Variants in LHFPL3 observed in about 807,000 individuals in gnomAD.
LHFPL3 encodes LHFPL tetraspan subfamily member 3 protein.
Under a neutral mutation model 19.3 loss-of-function variants are expected in LHFPL3, and 5 were observed. The observed-to-expected ratio is 0.26, with a 90% CI of 0.14 to 0.54. The LOEUF (loss-of-function observed/expected upper bound fraction) is 0.54, where lower values mean the gene tolerates loss of function less well. Among genes scored for constraint, LHFPL3 ranks in the 20% least tolerant of loss-of-function variants. The pLI is 0.94. For missense variants in LHFPL3, 249 were observed against 307.4 expected (o/e 0.81, Z 1.42); for synonymous variants, 133 against 126.2 (o/e 1.05, Z -0.36).
intron 2 of LHFPL3, among the ~76,000 whole-genome samples, chr7:104,756,270 A>G (rs1275473520): frequency 2.0e-5 from 3 of 152,206 alleles, no homozygotes; most frequent in Non-Finnish European, 4.4e-5. Flanking sequence ...CACACCTTGC[A>G]CTGAACCTTT....
At chr7:104,572,155 A>G (rs947781318) in intron 1 of LHFPL3, among the ~76,000 whole-genome samples, 4 of 152,226 alleles carry the variant, frequency 2.6e-5, no homozygotes, top group Admixed American at 2.0e-4. Context: ...AGTATTTTTC[A>G]CACAGATTTG....
chr7:104,620,269 C>G (rs923208593), intron 1 of LHFPL3, among the ~76,000 whole-genome samples: 1 of 152,172 alleles, frequency 6.6e-6, no homozygotes, highest in Non-Finnish European at 1.5e-5. Context: ...TCAGAGGGCA[C>G]TGAGAGGTCT....
At chr7:104,339,489 T>C (rs1789904897) in intron 1 of LHFPL3, among the ~76,000 whole-genome samples, 1 of 152,158 alleles carries the variant, frequency 6.6e-6, no homozygotes, top group Non-Finnish European at 1.5e-5. Flanking sequence ...TTCCACTAAG[T>C]CTGAGAGAGA....
intron 1 of LHFPL3, among the ~76,000 whole-genome samples, chr7:104,362,038 C>T (rs919004302): frequency 3.3e-5 from 5 of 152,212 alleles, no homozygotes; most frequent in African/African-American, 7.2e-5. Flanking sequence ...AGAAATGCTC[C>T]TGGACTTTTC....
At chr7:104,625,734 G>A (rs1390806433) in intron 1 of LHFPL3, among the ~76,000 whole-genome samples, 1 of 152,126 alleles carries the variant, frequency 6.6e-6, no homozygotes, top group Non-Finnish European at 1.5e-5. Context: ...TCACTAAGAG[G>A]TCAATGGCCA....
chr7:104,680,498 A>G (rs1184056744), intron 1 of LHFPL3, among the ~76,000 whole-genome samples: 1 of 151,886 alleles, frequency 6.6e-6, no homozygotes, highest in Non-Finnish European at 1.5e-5. Flanking sequence ...GGTAACTTTT[A>G]CCGCCCAAAA....
intron 1 of LHFPL3, among the ~76,000 whole-genome samples, chr7:104,714,890 A>G (rs981591346): frequency 2.6e-5 from 4 of 152,178 alleles, no homozygotes; most frequent in Non-Finnish European, 4.4e-5. Flanking sequence ...GTGTGTGCGC[A>G]TGCACACATG....
intron 2 of LHFPL3, among the ~76,000 whole-genome samples, chr7:104,821,248 C>T (rs116531418): frequency 6.6e-6 from 1 of 152,338 alleles, no homozygotes; most frequent in African/African-American, 2.4e-5. Flanking sequence ...TGGGCTGCCT[C>T]TGCATCCTCC....
chr7:104,384,655 C>T (rs1226176283), intron 1 of LHFPL3, among the ~76,000 whole-genome samples: 1 of 151,772 alleles, frequency 6.6e-6, no homozygotes, highest in East Asian at 1.9e-4. Flanking sequence ...GGCATGGTGG[C>T]ACATGCCTGT....
chr7:104,794,826 G>T (rs2116456588), intron 2 of LHFPL3, among the ~76,000 whole-genome samples: 1 of 152,290 alleles, frequency 6.6e-6, no homozygotes, highest in Admixed American at 6.5e-5. Flanking sequence ...GGTCTGGGTT[G>T]GAGGGAATTT....
Position 104,473,906 on chromosome 7 carries a change from A to G in LHFPL3, c.445+144682A>G, listed in dbSNP as rs117170145. 8.0e-3 allele frequency among the ~76,000 whole-genome samples: 1,221 copies of G among 152,344 alleles called. 41 individuals carry two copies. The highest frequency in any genetic ancestry group is 0.055 in the East Asian group (287 of 5,186). Reference sequence around the variant, plus strand: ...AAAAGTAAAACATTTACTTGGGGATAAATATTTATAAAGCTCTATGACACA... The same window carrying G: ...AAAAGTAAAACATTTACTTGGGGATGAATATTTATAAAGCTCTATGACACA... On this transcript the variant is annotated intron_variant, in intron 1 of 2. Transcript: ENST00000424859.
intron 1 of LHFPL3, among the ~76,000 whole-genome samples, chr7:104,386,819 G>A (rs929749444): frequency 6.6e-6 from 1 of 151,892 alleles, no homozygotes; most frequent in Non-Finnish European, 1.5e-5. Context: ...TTTCAAGAAA[G>A]CCACTAAATA....
At chr7:104,330,981 G>GT (rs1452824410) in intron 1 of LHFPL3, among the ~76,000 whole-genome samples, 1 of 152,004 alleles carries the variant, frequency 6.6e-6, no homozygotes, top group Admixed American at 6.5e-5. Flanking sequence ...AAATTACATC[G>GT]TTTTTAAAAG....
intron 2 of LHFPL3, among the ~76,000 whole-genome samples, chr7:104,853,886 A>G (rs1451534390): frequency 6.6e-6 from 1 of 152,170 alleles, no homozygotes; most frequent in African/African-American, 2.4e-5. Flanking sequence ...ACAGTTCCCA[A>G]TTTCTGACTG....
chr7:104,782,706 G>A (rs760454329), intron 2 of LHFPL3, among the ~76,000 whole-genome samples: 1 of 152,172 alleles, frequency 6.6e-6, no homozygotes, highest in Admixed American at 6.6e-5. Flanking sequence ...CCTTTAGGGG[G>A]AAGCCAAAAC....
intron 1 of LHFPL3, among the ~76,000 whole-genome samples, chr7:104,437,661 T>C (rs1792137064): frequency 6.6e-6 from 1 of 152,194 alleles, no homozygotes; most frequent in Non-Finnish European, 1.5e-5. Flanking sequence ...CTCAGGAAAC[T>C]GTTTTTGCTT....
At chr7:104,587,782 T>C (rs868511397) in intron 1 of LHFPL3, among the ~76,000 whole-genome samples, 4 of 152,034 alleles carry the variant, frequency 2.6e-5, no homozygotes, top group South Asian at 2.1e-4. Flanking sequence ...CCAGCACCTG[T>C]TGTTTCCTGA....
intron 1 of LHFPL3, among the ~76,000 whole-genome samples, chr7:104,607,563 G>A (rs1369812748): frequency 6.6e-6 from 1 of 152,136 alleles, no homozygotes; most frequent in Admixed American, 6.5e-5. Context: ...AGATCCAGGG[G>A]TTATTGAAAA....
intron 1 of LHFPL3, among the ~76,000 whole-genome samples, chr7:104,644,078 G>A (rs1179443073): frequency 6.6e-6 from 1 of 152,198 alleles, no homozygotes; most frequent in Admixed American, 6.5e-5. Context: ...TTTCTGAACT[G>A]ACAGTTGTCA....
Sources: allele counts gnomAD v4.1 joint callset (sites outside exome capture counted in the v4.1 genomes callset), GRCh38; gene constraint gnomAD v4.1.1; transcripts MANE v1.5; gene names NCBI Gene and HGNC (gene_info 2026-07-23, HGNC 2026-07-21).